The following FBN3 variants were observed in gnomAD, a reference collection of about 807,000 sequenced individuals.
FBN3 encodes fibrillin 3.
FBN3 carries 234 observed loss-of-function variants against 330.1 expected under a neutral mutation model. The observed-to-expected ratio is 0.71, with a 90% CI of 0.64 to 0.79. The LOEUF is 0.79. FBN3 is among the 30% of genes least tolerant of loss of function. The probability of loss-of-function intolerance (pLI) is 0.00; values close to 1 mark genes in which losing one functional copy is unlikely to be tolerated. For synonymous variants in FBN3, 1,458 were observed against 1,517.3 expected, an observed-to-expected ratio of 0.96 and a Z score of 0.91; for missense variants, 3,606 against 3,886.9, an observed-to-expected ratio of 0.93 and a Z score of 1.92.
rs145090095 is a variant in FBN3 at position 8,096,554 on chromosome 19, C to T, written c.5429G>A (p.Arg1810Gln). 4.0e-4 allele frequency: 649 copies of T among 1,612,666 alleles called. 3 individuals are homozygous for T. The African/African-American group carries it at 6.0e-3, about 15-fold the overall frequency. Reference protein sequence around the residue: ...GGACVGRNECREIPNVCSHGD... With the variant: ...GGACVGRNECQEIPNVCSHGD... ...ATGGCTACAGACATTCGGGATCTCC[C>T]GACACTCATTCCGTCCTGGGGGTGC... The change falls in exon 44 of 64, where the codon CGG becomes CAG. Residue 1810 changes from arginine (R) to glutamine (Q), a missense_variant. Arg to Gln is a conservative substitution (Grantham distance 43, BLOSUM62 1). Coordinates refer to ENST00000600128, the MANE Select transcript of FBN3 (RefSeq NM_032447.5). The surrounding 1 kb of genome is among the most constrained non-coding windows in gnomAD (Gnocchi z 4.6).
At chr19:8,120,834 T>G (rs1488306040) in intron 25 of FBN3, among the ~76,000 whole-genome samples, 1 of 152,228 alleles carries the variant, frequency 6.6e-6, no homozygotes, top group African/African-American at 2.4e-5. Flanking sequence ...TGTTAGGCTG[T>G]GAGCTCCAAG....
rs371231933 is a variant in FBN3 at position 8,090,202 on chromosome 19, C to T, written c.6081G>A (p.Ser2027=). ...TGGTGGTGTTGAAAGCTTTGGGCAC[C>T]GAGCACTTCCCAGCCTCAAAACGGG... ...CFTRFEAGKC[S]VPKAFNTTKT... Residue 2027 remains serine (S), a synonymous_variant, in exon 49 of 64, where the codon TCG becomes TCA. Transcript: ENST00000600128. 3.7e-6 allele frequency: 6 copies of T among 1,613,866 alleles called. No homozygotes were observed. Among genetic ancestry groups the T allele is most frequent in the Admixed American group, 3.3e-5 (2 of 59,984 alleles).
chr19:8,120,867 GA>G (rs1274618114), intron 25 of FBN3, among the ~76,000 whole-genome samples: 1 of 152,214 alleles, frequency 6.6e-6, no homozygotes, highest in Non-Finnish European at 1.5e-5. Flanking sequence ...CCTGGAGCTA[GA>G]GCTCCCTGCA....
chr19:8,086,478 A>G (rs1462232192), intron 54 of FBN3, among the ~76,000 whole-genome samples, 153 bp from the exon 55 acceptor site: 1 of 108,148 alleles, frequency 9.2e-6, no homozygotes, highest in Admixed American at 8.6e-5. Context: ...ATTTTTTGAG[A>G]CAGAGTCTCG....
At chr19:8,091,415 C>G (rs2082091263) in intron 48 of FBN3, 50 bp downstream of exon 48, 1 of 1,601,924 alleles carries the variant, frequency 6.2e-7, no homozygotes, top group Non-Finnish European at 8.5e-7. Flanking sequence ...CAATCTGACC[C>G]TTCCCCGCCC....
Position 8,115,555 on chromosome 19 carries a change from C to G in FBN3, c.3798G>C (p.Gln1266His). 6.2e-7 allele frequency: 1 copy of G among 1,614,118 alleles called. No homozygotes were observed. The highest frequency in any genetic ancestry group is 8.5e-7 in the Non-Finnish European group (1 of 1,180,020). Residue 1266 changes from glutamine (Q) to histidine (H), a missense_variant, in exon 30 of 64, where the codon CAG becomes CAC. Transcript: ENST00000600128. ...CCCCCTTCCTGACCATGTAGCCCAG[C>G]TGACAGTGGCAGACAAAGGAACCCT... is the stretch of plus-strand genomic sequence containing the variant. The part of the protein sequence containing the change: ...NTKGSFVCHC[Q>H]LGYMVRKGAT...
intron 59 of FBN3, among the ~76,000 whole-genome samples, chr19:8,078,302 C>G (rs544285262): frequency 1.9e-4 from 29 of 152,324 alleles, no homozygotes; most frequent in Non-Finnish European, 3.8e-4. Context: ...ATTTACGTAT[C>G]TCTCCAGCTG....
rs2081375721 is a variant in FBN3, at chr19:8,065,760, C to T, written c.*159G>A. ...GGCCCCCGGGGCTGGCACAGAGGCC[C>T]AGGCAGAGGCCGGGCTTGCCTGAGG... On this transcript the variant is annotated 3_prime_UTR_variant, in exon 64 of 64. Transcript: ENST00000600128. 1.5e-6 allele frequency: 1 copy of T among 665,094 alleles called. No homozygotes were observed. The highest frequency in any genetic ancestry group is 2.5e-6 in the Non-Finnish European group (1 of 403,092). 41.2% of individuals were successfully genotyped at this position (665,094 alleles called of 1,614,324 possible).
chr19:8,122,671 G>A (rs6603146), intron 24 of FBN3, among the ~76,000 whole-genome samples: 1 of 145,242 alleles, frequency 6.9e-6, no homozygotes, highest in Non-Finnish European at 1.5e-5. Context: ...CTGGCCCAGC[G>A]CCCCCTTTTT....
At chr19:8,105,390 TGGG>T (rs2082417780) in intron 38 of FBN3, among the ~76,000 whole-genome samples, 3 of 152,038 alleles carry the variant, frequency 2.0e-5, no homozygotes, top group African/African-American at 7.2e-5. Context: ...CCCAAGTAGC[TGGG>T]ATTACAGGCG....
rs935115218 is a variant in FBN3 at position 8,109,326 on chromosome 19, T to C, written c.4519A>G (p.Ser1507Gly). 1 of 1,614,162 alleles carries C rather than the reference T, an allele frequency of 6.2e-7. No homozygotes were observed. Among genetic ancestry groups the C allele is most frequent in the African/African-American group, 1.3e-5 (1 of 75,028 alleles). ...GTGACACCAACTCCGATCTCGGCACTGCAGGAAATGCCACTGTCCCCTCGG... is the reference window on the plus strand; with the variant it reads ...GTGACACCAACTCCGATCTCGGCACCGCAGGAAATGCCACTGTCCCCTCGG... ...HDRGDSGISC[S>G]AEIGVGVTRA... The change falls in exon 36 of 64, where the codon AGT becomes GGT. Residue 1507 changes from serine to glycine, a missense_variant. Physicochemically the swap from Ser to Gly is moderately conservative, Grantham distance 56 (BLOSUM62 0). Transcript: ENST00000600128. The surrounding 1 kb of genome is among the most constrained non-coding windows in gnomAD (Gnocchi z 5.2).
chr19:8,125,790 C>CA (rs368396188), intron 22 of FBN3, 102 bp downstream of exon 22: 31,993 of 1,076,150 alleles, frequency 0.03, 45 homozygotes, highest in Non-Finnish European at 0.032. Context: ...GACTCCATCT[C>CA]AAAAAAAAAA....
At chr19:8,108,093 C>T (rs927844600) in intron 37 of FBN3, 77 bp downstream of exon 37, 60 of 1,326,404 alleles carry the variant, frequency 4.5e-5, no homozygotes, top group Non-Finnish European at 5.6e-5. Flanking sequence ...CTCAACTCTA[C>T]ACTTTGGTGA....
intron 37 of FBN3, among the ~76,000 whole-genome samples, chr19:8,106,910 G>A (rs1442725495): frequency 1.3e-5 from 2 of 151,542 alleles, no homozygotes; most frequent in African/African-American, 2.4e-5. Context: ...AGATGGATGG[G>A]TGAATAGATG....
In FBN3 at chr19:8,124,284, C is replaced by T. The variant is rs1461170625; in HGVS notation, c.2732-276G>A. On this transcript the variant is annotated intron_variant, in intron 22 of 63. Transcript: ENST00000600128. ...TTTGAGACATAGTCTTGCTCTGTCA[C>T]TCAGGCTGGAGTGCAGTGGCACAAT... Among the ~76,000 whole-genome samples, 4 of 152,316 alleles carry T rather than the reference C, an allele frequency of 2.6e-5. No homozygotes were observed. The East Asian group carries it at 7.7e-4, about 29-fold the overall frequency.
chr19:8,120,956 A>G (rs2082832774), intron 25 of FBN3, among the ~76,000 whole-genome samples: 1 of 152,194 alleles, frequency 6.6e-6, no homozygotes, highest in African/African-American at 2.4e-5. Context: ...GAGAGGCCTC[A>G]TAACCGGCAG....
chr19:8,109,509 A>G lies in FBN3; in HGVS notation c.4457-121T>C, dbSNP rs2082528491. On this transcript the variant is annotated intron_variant, in intron 35 of 63. Transcript: ENST00000600128. This position sits in a 1 kb window ranked among gnomAD's most constrained non-coding sequence, Gnocchi z 5.2. ...AACCACTCTTGCAGGAGACCAGCAG[A>G]TGTCCCGTTTGTCAGGAGCAGGTAG... The G allele has an allele frequency of 6.5e-7, 1 of 1,534,274 alleles. No individual in the cohort carries two copies. Among genetic ancestry groups the G allele is most frequent in the South Asian group, 1.2e-5 (1 of 81,602 alleles).
chr19:8,138,876 A>G (rs981685284), intron 8 of FBN3, among the ~76,000 whole-genome samples: 1 of 151,796 alleles, frequency 6.6e-6, no homozygotes, highest in East Asian at 1.9e-4. Flanking sequence ...GCGAAACCTC[A>G]TGTCTACTAA....
At chr19:8,080,927 G>A in intron 59 of FBN3, 76 bp downstream of exon 59, 1 of 1,103,432 alleles carries the variant, frequency 9.1e-7, no homozygotes, top group Non-Finnish European at 1.4e-6. Flanking sequence ...TGGCCAACTT[G>A]ATATTTTTTT....
Sources: allele counts gnomAD v4.1 joint callset (sites outside exome capture counted in the v4.1 genomes callset), GRCh38; gene constraint gnomAD v4.1.1; non-coding constraint Gnocchi (gnomAD v3.1); transcripts MANE v1.5; gene names NCBI Gene and HGNC (gene_info 2026-07-23, HGNC 2026-07-21).